The following TTC34 variants were observed in gnomAD, a reference collection of about 807,000 sequenced individuals.
TTC34 encodes the protein tetratricopeptide repeat domain 34.
Under a neutral mutation model 40.7 loss-of-function variants are expected in TTC34, and 44 were observed. The ratio of observed to expected loss-of-function variants is 1.08; its 90% CI spans 0.85 to 1.39. The LOEUF (loss-of-function observed/expected upper bound fraction) is 1.39. TTC34 is among the 40% of genes most tolerant of loss of function. The pLI, the probability that TTC34 is intolerant of heterozygous loss-of-function variation, is 0.00. For synonymous variants in TTC34, 422 were observed against 398.6 expected (o/e 1.06, Z -0.70); for missense variants, 884 against 838.0 (o/e 1.05, Z -0.68).
rs1639012313 is a variant in TTC34, at chr1:2,645,925, C to T, written c.2227-362G>A. Among the ~76,000 whole-genome samples the T allele has an allele frequency of 6.6e-6, 1 of 152,162 alleles. No individual in the cohort carries two copies. Among genetic ancestry groups the T allele is most frequent in the South Asian group, 2.1e-4 (1 of 4,832 alleles). On this transcript the variant is annotated intron_variant, in intron 6 of 8. Coordinates refer to ENST00000401095, the Ensembl canonical transcript of TTC34. The surrounding 1 kb of genome is among the most constrained non-coding windows in gnomAD (Gnocchi z 4.7). ...GCTCTCCCAGCTTGTAGCTGGCTCCCTCCACGCCTGTCCCTCCCCACAGGG... is the reference window on the plus strand; with the variant it reads ...GCTCTCCCAGCTTGTAGCTGGCTCCTTCCACGCCTGTCCCTCCCCACAGGG...
rs971485834 is a variant in TTC34 at position 2,690,240 on chromosome 1, C to A, written c.2227-44677G>T. Among the ~76,000 whole-genome samples the A allele has an allele frequency of 1.4e-4, 17 of 123,750 alleles. 1 individual carries two copies. Among genetic ancestry groups the A allele is most frequent in the Admixed American group, 4.2e-4 (5 of 11,928 alleles). The allele number at this position is 123,750 out of a possible 152,430, so 81.2% of individuals were successfully genotyped here. ...CACACCCCAGGTGAGGATCTGACAG[C>A]CTGGAACAGCACCCTGCACACCCAG... On this transcript the variant is annotated intron_variant, in intron 6 of 8. Transcript: ENST00000401095.
chr1:2,760,646 T>C (rs1285600451), intron 6 of TTC34, among the ~76,000 whole-genome samples: 834 of 2,970 alleles, frequency 0.28, no homozygotes, highest in Middle Eastern at 0.5. Context: ...CGCCCACACC[T>C]CCAGGTGAGC....
At position 2,691,534 on chromosome 1, in the gene TTC34, AACCCAC is replaced by A. The variant is rs1358638894; in HGVS notation, c.2227-45977_2227-45972del. Among the ~76,000 whole-genome samples, 2 of 67,062 alleles carry A rather than the reference AACCCAC, an allele frequency of 3.0e-5. 1 individual carries two copies. Among genetic ancestry groups the A allele is most frequent in the Non-Finnish European group, 6.8e-5 (2 of 29,300 alleles). The allele number at this position is 67,062 out of a possible 152,430, so 44.0% of individuals were successfully genotyped here. On this transcript the variant is annotated intron_variant, in intron 6 of 8. Coordinates refer to ENST00000401095, the Ensembl canonical transcript of TTC34. ...GTGAGCATCGGAGAGTCTGGAACAG[AACCCAC>A]ACCCCCAGGTGAGCATCTGACAGAC... is the stretch of plus-strand genomic sequence containing the variant.
chr1:2,695,668 A>C (rs1391191016), intron 6 of TTC34, among the ~76,000 whole-genome samples: 3 of 147,490 alleles, frequency 2.0e-5, no homozygotes, highest in Non-Finnish European at 4.5e-5. Context: ...CTGGAACAGC[A>C]CCCACACCCC....
At chr1:2,748,497 G>T (rs1422409962) in intron 6 of TTC34, among the ~76,000 whole-genome samples, 14 of 138,796 alleles carry the variant, frequency 1.0e-4, no homozygotes, top group Non-Finnish European at 2.0e-4. Context: ...GTGAGCATCC[G>T]ATAGCCTGGA....
At chr1:2,764,225 C>T (rs1641724774) in intron 6 of TTC34, among the ~76,000 whole-genome samples, 1 of 149,772 alleles carries the variant, frequency 6.7e-6, no homozygotes, top group East Asian at 2.2e-4. Context: ...TCCACACACC[C>T]AGGCGAGCAT....
chr1:2,640,054 T>A (rs1235861001), exon 9 of TTC34: 5 of 152,220 alleles, frequency 3.3e-5, no homozygotes, highest in African/African-American at 1.2e-4. Context: ...GCAGGGGGTC[T>A]ATCTGTGGGT....
intron 6 of TTC34, among the ~76,000 whole-genome samples, chr1:2,683,424 A>T (rs1191409021): frequency 1.1e-5 from 1 of 94,168 alleles, no homozygotes; most frequent in African/African-American, 4.5e-5. Context: ...CTGGAACACC[A>T]CCCTTCACCC....
intron 6 of TTC34, among the ~76,000 whole-genome samples, chr1:2,695,663 A>G (rs201857168): frequency 0.25 from 778 of 3,096 alleles, 121 homozygotes; most frequent in East Asian, 0.55. Context: ...ACCGCCTGGA[A>G]CAGCACCCAC....
At chr1:2,682,028 AC>A (rs1640099057) in intron 6 of TTC34, among the ~76,000 whole-genome samples, 1 of 58,068 alleles carries the variant, frequency 1.7e-5, no homozygotes. Flanking sequence ...ACCCATACCC[AC>A]AGGTGAGCAT....
chr1:2,775,433 C>G (rs1410397404), intron 6 of TTC34: 3 of 148,444 alleles, frequency 2.0e-5, no homozygotes, highest in African/African-American at 7.9e-5. Context: ...CACCCACACT[C>G]CCAGGTGAGC....
chr1:2,787,906 T>C (rs12748553), intron 3 of TTC34, among the ~76,000 whole-genome samples, 200 bp from the exon 4 acceptor site: 99,427 of 152,166 alleles, frequency 0.65, 33,685 homozygotes, highest in African/African-American at 0.85. Flanking sequence ...CTTGCCCTTC[T>C]CCTACCCTGT....
intron 2 of TTC34, among the ~76,000 whole-genome samples, chr1:2,797,282 T>C (rs1175139167): frequency 1.3e-5 from 2 of 151,030 alleles, no homozygotes; most frequent in Non-Finnish European, 2.9e-5. Context: ...CATCCTCACC[T>C]CCAGATGTCT....
chr1:2,793,096 T>A (rs1053469141), intron 2 of TTC34, among the ~76,000 whole-genome samples: 1 of 152,248 alleles, frequency 6.6e-6, no homozygotes, highest in African/African-American at 2.4e-5. Context: ...AGATAGACAA[T>A]TTTTGACTGG....
intron 6 of TTC34, among the ~76,000 whole-genome samples, chr1:2,749,439 G>A (rs1165942625): frequency 1.5e-4 from 7 of 45,260 alleles, no homozygotes; most frequent in Non-Finnish European, 2.5e-4. Flanking sequence ...GAACAGCACC[G>A]ACACCCCCAG....
chr1:2,681,590 A>T (rs1413918931), intron 6 of TTC34, among the ~76,000 whole-genome samples: 1 of 55,546 alleles, frequency 1.8e-5, no homozygotes, highest in African/African-American at 7.0e-5. Context: ...CCACACCCAC[A>T]GGTGAGCATC....
intron 5 of TTC34, among the ~76,000 whole-genome samples, chr1:2,784,393 G>A (rs1643544024): frequency 6.6e-6 from 1 of 152,220 alleles, no homozygotes. Flanking sequence ...CAAGGAACGT[G>A]ACCATTGAAG....
intron 6 of TTC34, among the ~76,000 whole-genome samples, chr1:2,768,606 G>A (rs1468112811): frequency 9.2e-5 from 14 of 152,030 alleles, no homozygotes; most frequent in Middle Eastern, 3.4e-3. Flanking sequence ...TGAAAGCCTG[G>A]AATGGTACCC....
intron 6 of TTC34, among the ~76,000 whole-genome samples, chr1:2,684,403 T>C (rs1159937374): frequency 9.9e-5 from 14 of 141,034 alleles, no homozygotes; most frequent in African/African-American, 3.1e-4. Context: ...CACCCCCAGG[T>C]GAGCATCTGA....
Sources: gnomAD v4.1 joint callset for allele counts (sites outside exome capture counted in the v4.1 genomes callset) on GRCh38, gnomAD v4.1.1 for gene constraint, Gnocchi (gnomAD v3.1) non-coding constraint, MANE v1.5 for transcripts, NCBI Gene and HGNC (gene_info 2026-07-23, HGNC 2026-07-21) for gene names.